Variants in PTPRM observed in about 807,000 individuals in gnomAD.
The protein encoded by PTPRM is protein tyrosine phosphatase receptor type M, also known as receptor-type tyrosine-protein phosphatase mu.
PTPRM carries 47 observed loss-of-function variants against 186.7 expected under a neutral mutation model. That is an observed-to-expected ratio of 0.25 (90% CI 0.20 to 0.32). The LOEUF is 0.32. PTPRM is among the 10% of genes least tolerant of loss of function. The pLI is 1.00. For missense variants in PTPRM, 1,494 were observed against 1,865.0 expected, an observed-to-expected ratio of 0.80 and a Z score of 3.66; for synonymous variants, 668 against 674.9, an observed-to-expected ratio of 0.99 and a Z score of 0.16.
intron 14 of PTPRM, among the ~76,000 whole-genome samples, chr18:8,205,092 G>A (rs1054875230): frequency 3.9e-5 from 6 of 152,080 alleles, no homozygotes; most frequent in Non-Finnish European, 5.9e-5. Context: ...TTAGACAGTC[G>A]TTCTAGCCTT....
At chr18:7,614,860 A>G (rs576184606) in intron 1 of PTPRM, among the ~76,000 whole-genome samples, 1 of 148,410 alleles carries the variant, frequency 6.7e-6, no homozygotes, top group East Asian at 2.4e-4. Context: ...CCTATGAATA[A>G]ACTTCATTCT....
chr18:7,636,467 T>C (rs577732742), intron 1 of PTPRM, among the ~76,000 whole-genome samples: 2 of 152,306 alleles, frequency 1.3e-5, no homozygotes, highest in South Asian at 4.1e-4. Flanking sequence ...CTTGTCATGA[T>C]TATATTGATT....
chr18:8,282,737 C>T (rs1171380922), intron 19 of PTPRM, among the ~76,000 whole-genome samples: 1 of 152,118 alleles, frequency 6.6e-6, no homozygotes, highest in East Asian at 1.9e-4. Flanking sequence ...GGGCATTTAT[C>T]ACAGAGAAGC....
intron 4 of PTPRM, among the ~76,000 whole-genome samples, chr18:7,913,954 A>G (rs2146645041): frequency 6.6e-6 from 1 of 152,256 alleles, no homozygotes; most frequent in African/African-American, 2.4e-5. Flanking sequence ...TAAATATTAA[A>G]GTTTATAATA....
At chr18:8,307,092 T>C (rs2095229773) in intron 20 of PTPRM, among the ~76,000 whole-genome samples, 1 of 152,204 alleles carries the variant, frequency 6.6e-6, no homozygotes, top group Admixed American at 6.5e-5. Flanking sequence ...CGCGTAAGAA[T>C]CTGCAGTTTC....
chr18:8,109,503 G>C (rs117618518), intron 11 of PTPRM, among the ~76,000 whole-genome samples: 1,590 of 152,272 alleles, frequency 0.01, 10 homozygotes, highest in Non-Finnish European at 0.018. Flanking sequence ...AGTATGTCTG[G>C]AGTAGAGTGT....
At chr18:7,756,397 T>C (rs1260880547) in intron 1 of PTPRM, among the ~76,000 whole-genome samples, 2 of 152,232 alleles carry the variant, frequency 1.3e-5, no homozygotes, top group Non-Finnish European at 2.9e-5. Context: ...TTATCCATAG[T>C]TGATTCTGGG....
At chr18:8,234,446 G>T (rs1215696250) in intron 14 of PTPRM, among the ~76,000 whole-genome samples, 1 of 152,092 alleles carries the variant, frequency 6.6e-6, no homozygotes, top group Non-Finnish European at 1.5e-5. Flanking sequence ...CTGCAACCTT[G>T]CTACATTTGC....
chr18:8,314,742 T>C, intron 20 of PTPRM, 39 bp from the exon 21 acceptor site: 5 of 1,544,114 alleles, frequency 3.2e-6, no homozygotes, highest in Non-Finnish European at 4.5e-6. Context: ...ACCAGATTGC[T>C]TTTGTTAATC....
chr18:7,847,511 G>T (rs1165761015), intron 2 of PTPRM, among the ~76,000 whole-genome samples: 1 of 152,114 alleles, frequency 6.6e-6, no homozygotes, highest in Non-Finnish European at 1.5e-5. Flanking sequence ...GGCTTGTGTA[G>T]TTGGGAGTGG....
chr18:7,691,025 T>C (rs1359229186), intron 1 of PTPRM, among the ~76,000 whole-genome samples: 1 of 152,212 alleles, frequency 6.6e-6, no homozygotes, highest in Non-Finnish European at 1.5e-5. Flanking sequence ...TTTACCTTTT[T>C]TTCACTATGG....
intron 14 of PTPRM, among the ~76,000 whole-genome samples, chr18:8,230,286 G>C (rs576462112): frequency 3.3e-5 from 5 of 152,324 alleles, no homozygotes; most frequent in Admixed American, 3.3e-4. Flanking sequence ...TGGGTAGGTA[G>C]TGTGTGCCAT....
At chr18:7,833,724 G>C (rs1245800434) in intron 2 of PTPRM, among the ~76,000 whole-genome samples, 2 of 151,332 alleles carry the variant, frequency 1.3e-5, no homozygotes, top group African/African-American at 4.9e-5. Flanking sequence ...ACAAGAGCGA[G>C]ACTCTGTCTC....
intron 13 of PTPRM, among the ~76,000 whole-genome samples, chr18:8,137,643 A>G (rs1434705205): frequency 6.6e-6 from 1 of 152,134 alleles, no homozygotes; most frequent in Non-Finnish European, 1.5e-5. Context: ...AGCAACACCC[A>G]TCCCACCATA....
intron 4 of PTPRM, among the ~76,000 whole-genome samples, chr18:7,915,637 C>G (rs1009406341): frequency 6.6e-6 from 1 of 151,836 alleles, no homozygotes; most frequent in Non-Finnish European, 1.5e-5. Flanking sequence ...ATCAACACTG[C>G]GAAATAGGTA....
At chr18:7,759,069 A>G (rs2041644862) in intron 1 of PTPRM, among the ~76,000 whole-genome samples, 1 of 152,212 alleles carries the variant, frequency 6.6e-6, no homozygotes, top group Non-Finnish European at 1.5e-5. Context: ...GCAGCTACTA[A>G]GCACACATTT....
chr18:8,262,144 A>C (rs56270000), intron 19 of PTPRM, among the ~76,000 whole-genome samples: 2 of 151,484 alleles, frequency 1.3e-5, no homozygotes, highest in Non-Finnish European at 2.9e-5. Flanking sequence ...TCAAGTCCCA[A>C]CTGCTCTCTC....
At chr18:7,765,299 A>G (rs1274683912) in intron 1 of PTPRM, among the ~76,000 whole-genome samples, 1 of 152,246 alleles carries the variant, frequency 6.6e-6, no homozygotes, top group East Asian at 1.9e-4. Context: ...ATCGGCAAAT[A>G]GCACTTCTTA....
chr18:7,838,981 A>G (rs1305226421), intron 2 of PTPRM, among the ~76,000 whole-genome samples: 6 of 152,104 alleles, frequency 3.9e-5, no homozygotes, highest in Admixed American at 2.0e-4. Flanking sequence ...CTGCCAGACT[A>G]CCACCAGAGC....
Sources: gnomAD v4.1 joint callset for allele counts (sites outside exome capture counted in the v4.1 genomes callset) on GRCh38, gnomAD v4.1.1 for gene constraint, MANE v1.5 for transcripts, NCBI Gene and HGNC (gene_info 2026-07-23, HGNC 2026-07-21) for gene names.